Variants in OGFOD1 observed in about 807,000 individuals in gnomAD.
The protein encoded by OGFOD1 is prolyl 3-hydroxylase OGFOD1.
OGFOD1 carries 54 observed loss-of-function variants against 67.7 expected under a neutral mutation model. That is an observed-to-expected ratio of 0.80 (90% confidence interval 0.64 to 1.00). The LOEUF (loss-of-function observed/expected upper bound fraction) is 1.00, where lower values mean the gene tolerates loss of function less well. OGFOD1 is among the 50% of genes least tolerant of loss of function. The pLI is 0.00. For synonymous variants in OGFOD1, 221 were observed against 227.0 expected (o/e 0.97, Z 0.24); for missense variants, 606 against 646.7 (o/e 0.94, Z 0.68).
Position 56,478,925 on chromosome 16 carries a change from A to AAGAT in OGFOD1, c.*2726_*2729dup, listed in dbSNP as rs1480724272. 4 of 152,208 alleles carry AAGAT rather than the reference A, an allele frequency of 2.6e-5. No individual in the cohort carries two copies. The highest frequency in any genetic ancestry group is 2.9e-5 in the Non-Finnish European group (2 of 68,038). The allele number at this position is 152,208 out of a possible 1,614,324, so 9.4% of individuals were successfully genotyped here. ...CTTAAAAGATTGTGTTTCTGCACTG[A>AAGAT]AGATAGATACACAGTGATAGTGAAG... On this transcript the variant is annotated 3_prime_UTR_variant, in exon 13 of 13. Coordinates refer to ENST00000566157, the MANE Select transcript of OGFOD1 (RefSeq NM_018233.4).
rs561440835 is a variant in OGFOD1, at chr16:56,451,673, G to A, written c.61G>A (p.Glu21Lys). The A allele has an allele frequency of 6.2e-6, 10 of 1,614,082 alleles. No individual in the cohort carries two copies. The African/African-American group carries it at 1.2e-4, about 19-fold the overall frequency. The change falls in exon 1 of 13, where the codon GAG becomes AAG. Residue 21 changes from glutamate to lysine, a missense_variant. Transcript: ENST00000566157. ...CCGGGTGGGAAAAAAGGGAAAGAAG[G>A]AGGTGATGGCGGAGTTTTCGGACGC... ...PARVGKKGKK[E>K]VMAEFSDAVT...
At chr16:56,453,093 G>T (rs1216595708) in intron 1 of OGFOD1, among the ~76,000 whole-genome samples, 170 bp from the exon 2 acceptor site, 1 of 152,106 alleles carries the variant, frequency 6.6e-6, no homozygotes, top group African/African-American at 2.4e-5. Flanking sequence ...AGTATTTAAT[G>T]GGTAAAGAAG....
chr16:56,471,405 C>T (rs894138976), intron 10 of OGFOD1, among the ~76,000 whole-genome samples: 2 of 151,162 alleles, frequency 1.3e-5, no homozygotes, highest in African/African-American at 4.9e-5. Context: ...GCCTCTTAGG[C>T]GAATAGATGA....
intron 10 of OGFOD1, among the ~76,000 whole-genome samples, chr16:56,474,618 C>T (rs1963369320): frequency 6.6e-6 from 1 of 152,048 alleles, no homozygotes; most frequent in Non-Finnish European, 1.5e-5. Flanking sequence ...CCATGCCCGG[C>T]CCAAAATTCA....
At chr16:56,451,897 T>C (rs1962351189) in intron 1 of OGFOD1, 131 bp downstream of exon 1, 1 of 957,126 alleles carries the variant, frequency 1.0e-6, no homozygotes, top group Non-Finnish European at 1.5e-6. Context: ...TTTGGCCACC[T>C]CCTACTCTCC....
In OGFOD1 at chr16:56,462,645, T is replaced by G. The variant is rs777371715; in HGVS notation, c.448+11T>G. ...AATATGAATTCACTGGTAAGGAAGA[T>G]AAAGGCCTGGTGTCTGTAAGATATA... On this transcript the variant is annotated intron_variant, in intron 4 of 12. Coordinates refer to ENST00000566157, the MANE Select transcript of OGFOD1 (RefSeq NM_018233.4). 6.7e-7 allele frequency: 1 copy of G among 1,488,876 alleles called. No individual in the cohort carries two copies. The highest frequency in any genetic ancestry group is 9.4e-7 in the Non-Finnish European group (1 of 1,066,636). 92.2% of individuals were successfully genotyped at this position (1,488,876 alleles called of 1,614,324 possible).
At chr16:56,468,513 G>C (rs1427319416) in intron 8 of OGFOD1, among the ~76,000 whole-genome samples, 2 of 152,128 alleles carry the variant, frequency 1.3e-5, no homozygotes, top group African/African-American at 4.8e-5. Context: ...TCTGAGGTCA[G>C]GAGTTCAAGA....
chr16:56,470,867 T>A, intron 10 of OGFOD1, 76 bp downstream of exon 10: 1 of 1,379,340 alleles, frequency 7.2e-7, no homozygotes, highest in Non-Finnish European at 9.7e-7. Context: ...TCAACAAACA[T>A]TTATTGAGCA....
chr16:56,467,079 T>A, intron 6 of OGFOD1, 86 bp from the exon 7 acceptor site: 1 of 1,584,642 alleles, frequency 6.3e-7, no homozygotes. Context: ...TTTTAATGCT[T>A]AGCATGGAGG....
chr16:56,462,498 G>A lies in OGFOD1; in HGVS notation c.348-36G>A, dbSNP rs1189693623. 3.0e-6 allele frequency: 4 copies of A among 1,355,730 alleles called. No homozygotes were observed. The African/African-American group carries it at 5.7e-5, about 19-fold the overall frequency. The allele number at this position is 1,355,730 out of a possible 1,614,324, so 84.0% of individuals were successfully genotyped here. A position where few individuals can be genotyped will look rare whatever the true frequency, so the allele number is the denominator to read the frequency against. ...ACAGTTGTGACCTAGATCCCACACT[G>A]TGGCATAACAAGTTATCTTTTGTTT... On this transcript the variant is annotated intron_variant, in intron 3 of 12. Transcript: ENST00000566157.
rs767091408 is a variant in OGFOD1, at chr16:56,453,364, T to A, written c.256T>A (p.Leu86Met). The change falls in exon 2 of 13, where the codon TTG becomes ATG. Residue 86 changes from leucine to methionine, a missense_variant. Physicochemically the swap from Leu to Met is conservative, Grantham distance 15. Coordinates refer to ENST00000566157, the MANE Select transcript of OGFOD1 (RefSeq NM_018233.4). ...AGGGCTTCAGAAGGAACTGATGAACTTGGACTTCCATGAGAAGTATAATGA... is the reference window on the plus strand; with the variant it reads ...AGGGCTTCAGAAGGAACTGATGAACATGGACTTCCATGAGAAGTATAATGA... ...LEGLQKELMN[L>M]DFHEKYNDLY... 2.5e-6 allele frequency: 4 copies of A among 1,613,932 alleles called. No individual in the cohort carries two copies. The East Asian group carries it at 6.7e-5, about 27-fold the overall frequency.
At chr16:56,467,666 A>T (rs1962963830) in intron 7 of OGFOD1, among the ~76,000 whole-genome samples, 1 of 152,016 alleles carries the variant, frequency 6.6e-6, no homozygotes, top group African/African-American at 2.4e-5. Flanking sequence ...ACCTCAAATG[A>T]TCCACCCACC....
At chr16:56,458,651 G>A in intron 3 of OGFOD1, 57 bp downstream of exon 3, 1 of 1,367,074 alleles carries the variant, frequency 7.3e-7, no homozygotes, top group Non-Finnish European at 1.0e-6. Flanking sequence ...AGTAGTAAGT[G>A]CTTTAAATGT....
At position 56,458,549 on chromosome 16, in the gene OGFOD1, C is replaced by A. The variant is rs771493445; in HGVS notation, c.302C>A (p.Ser101Tyr). 1.2e-6 allele frequency: 2 copies of A among 1,613,110 alleles called. No homozygotes were observed. The highest frequency in any genetic ancestry group is 1.7e-6 in the Non-Finnish European group (2 of 1,179,216). Residue 101 changes from serine (S) to tyrosine (Y), a missense_variant and splice_region_variant, in exon 3 of 13, where the codon TCT becomes TAT. Physicochemically the swap from Ser to Tyr is moderately radical, Grantham distance 144. Transcript: ENST00000566157. ...TTTTTCTCTATTTTCATGATCAAGT[C>A]TGATGATTTGAAGAAGAGAAGAGAG... ...KYNDLYKFQQ[S>Y]DDLKKRREPH...
chr16:56,459,288 C>T (rs1962634013), intron 3 of OGFOD1, among the ~76,000 whole-genome samples: 1 of 150,434 alleles, frequency 6.6e-6, no homozygotes, highest in African/African-American at 2.5e-5. Flanking sequence ...TGGGGTGAGC[C>T]GAGATCGAGC....
In OGFOD1 at chr16:56,465,078, C is replaced by G. The variant is rs577912304; in HGVS notation, c.449-1074C>G. ...ACAGTGGTGCGATCTTGGCTCACTG[C>G]AACCTCTGCCTCCTGGGTTCAAGCG... On this transcript the variant is annotated intron_variant, in intron 4 of 12. Coordinates refer to ENST00000566157, the MANE Select transcript of OGFOD1 (RefSeq NM_018233.4). Among the ~76,000 whole-genome samples, 53 of 151,900 alleles carry G rather than the reference C, an allele frequency of 3.5e-4. 2 individuals are homozygous for G. In the South Asian group the frequency reaches 0.01, roughly 30 times the overall value.
chr16:56,460,847 T>C (rs898058749), intron 3 of OGFOD1, among the ~76,000 whole-genome samples: 2 of 152,344 alleles, frequency 1.3e-5, no homozygotes, highest in Middle Eastern at 3.4e-3. Context: ...GTAAATCTTT[T>C]TAAAATGTTT....
rs1342486369 is a variant in OGFOD1 at position 56,458,565 on chromosome 16, G to A, written c.318G>A (p.Lys106=). 2.7e-5 allele frequency: 44 copies of A among 1,613,538 alleles called. No individual in the cohort carries two copies. Among genetic ancestry groups the A allele is most frequent in the Non-Finnish European group, 2.9e-5 (34 of 1,179,636 alleles). ...TGATCAAGTCTGATGATTTGAAGAA[G>A]AGAAGAGAGCCTCACATCTCCACTT... The part of the protein sequence containing the change: ...YKFQQSDDLK[K]RREPHISTLR... Residue 106 remains lysine, a synonymous_variant, in exon 3 of 13, where the codon AAG becomes AAA. Coordinates refer to ENST00000566157, the MANE Select transcript of OGFOD1 (RefSeq NM_018233.4).
At chr16:56,458,196 G>A (rs993294556) in intron 2 of OGFOD1, 13 of 267,318 alleles carry the variant, frequency 4.9e-5, no homozygotes, top group African/African-American at 2.7e-4. Context: ...CACTCCCCAG[G>A]CTTAGCACTC....
Sources: allele counts gnomAD v4.1 joint callset (sites outside exome capture counted in the v4.1 genomes callset), GRCh38; gene constraint gnomAD v4.1.1; transcripts MANE v1.5; gene names NCBI Gene and HGNC (gene_info 2026-07-23, HGNC 2026-07-21).